GALNTL6: variants seen among roughly 807,000 people sequenced by gnomAD.
The protein encoded by GALNTL6 is polypeptide N-acetylgalactosaminyltransferase-like 6.
Under a neutral mutation model 73.7 loss-of-function variants are expected in GALNTL6, and 46 were observed. The ratio of observed to expected loss-of-function variants is 0.62; its 90% CI spans 0.49 to 0.80. The LOEUF is 0.80. Ranked by LOEUF, GALNTL6 falls within the 30% of genes least tolerant of loss-of-function variation. GALNTL6 has a pLI of 0.00. For missense variants in GALNTL6, 604 were observed against 755.0 expected (o/e 0.80, Z 2.34); for synonymous variants, 259 against 263.7 (o/e 0.98, Z 0.17).
chr4:172,037,401 T>C (rs1678975607), intron 2 of GALNTL6, among the ~76,000 whole-genome samples: 1 of 152,162 alleles, frequency 6.6e-6, no homozygotes, highest in Admixed American at 6.6e-5. Context: ...TTGATCTTTC[T>C]TAAAAATATC....
At chr4:171,838,560 A>G (rs1272080640) in intron 2 of GALNTL6, among the ~76,000 whole-genome samples, 1 of 152,172 alleles carries the variant, frequency 6.6e-6, no homozygotes, top group Non-Finnish European at 1.5e-5. Flanking sequence ...ACTGAGTTAA[A>G]TATATTCACT....
At chr4:172,179,104 T>C (rs866580825) in intron 2 of GALNTL6, among the ~76,000 whole-genome samples, 6,142 of 143,514 alleles carry the variant, frequency 0.043, 174 homozygotes, top group African/African-American at 0.097. Context: ...TGAATTATGC[T>C]GCAATAAACA....
rs140644975 is a variant in GALNTL6 at position 172,293,169 on chromosome 4, T to C, written c.248-18445T>C. Among the ~76,000 whole-genome samples, 474 of 152,280 alleles carry C rather than the reference T, an allele frequency of 3.1e-3. 3 individuals carry two copies. The highest frequency in any genetic ancestry group is 0.011 in the African/African-American group (444 of 41,576). On this transcript the variant is annotated intron_variant, in intron 3 of 12. Coordinates refer to ENST00000506823, the MANE Select transcript of GALNTL6 (RefSeq NM_001034845.3). ...TCACTCCACCCCATCTCCAACCACA[T>C]TGGCCTTGATGAAGAATATGTTTAT...
At chr4:172,196,228 C>A (rs2110890477) in intron 2 of GALNTL6, among the ~76,000 whole-genome samples, 1 of 152,122 alleles carries the variant, frequency 6.6e-6, no homozygotes, top group East Asian at 1.9e-4. Flanking sequence ...ACACATACAT[C>A]CTCCCAAGAC....
chr4:172,313,590 G>T (rs1219752562), intron 4 of GALNTL6, among the ~76,000 whole-genome samples: 5 of 151,820 alleles, frequency 3.3e-5, no homozygotes, highest in Non-Finnish European at 5.9e-5. Context: ...AAGATCTTAT[G>T]TAATAATGGG....
intron 2 of GALNTL6, among the ~76,000 whole-genome samples, chr4:172,072,562 C>G (rs185375470): frequency 5.3e-5 from 8 of 152,260 alleles, no homozygotes; most frequent in African/African-American, 1.9e-4. Context: ...TTTCACAGAA[C>G]TATTCAGATC....
chr4:171,860,436 G>C (rs1208729406), intron 2 of GALNTL6, among the ~76,000 whole-genome samples: 2 of 152,098 alleles, frequency 1.3e-5, no homozygotes, highest in African/African-American at 4.8e-5. Flanking sequence ...AATATATATT[G>C]TCATGGCTTT....
intron 2 of GALNTL6, among the ~76,000 whole-genome samples, chr4:172,125,133 A>G: frequency 6.6e-6 from 1 of 152,206 alleles, no homozygotes; most frequent in Admixed American, 6.5e-5. Context: ...AACAAAAGGC[A>G]ATGATGTATG....
At chr4:172,467,717 T>C (rs143040830) in intron 5 of GALNTL6, among the ~76,000 whole-genome samples, 6 of 152,264 alleles carry the variant, frequency 3.9e-5, no homozygotes, top group African/African-American at 1.4e-4. Flanking sequence ...AATAAGAATT[T>C]GGAAAGAAAA....
chr4:172,445,460 G>C (rs1277855163), intron 5 of GALNTL6, among the ~76,000 whole-genome samples: 1 of 152,068 alleles, frequency 6.6e-6, no homozygotes, highest in African/African-American at 2.4e-5. Context: ...TATTTTTAAA[G>C]AAACCATTGA....
intron 5 of GALNTL6, among the ~76,000 whole-genome samples, chr4:172,451,000 G>T (rs1361275007): frequency 6.6e-6 from 1 of 152,244 alleles, no homozygotes; most frequent in East Asian, 1.9e-4. Context: ...TGCTCTGGAT[G>T]TCAGGGAATC....
At chr4:172,718,218 T>C (rs1735227541) in intron 5 of GALNTL6, among the ~76,000 whole-genome samples, 1 of 152,228 alleles carries the variant, frequency 6.6e-6, no homozygotes, top group African/African-American at 2.4e-5. Context: ...TTCATGACTT[T>C]AAAAGAGTGA....
chr4:172,638,836 A>G (rs745962769), intron 5 of GALNTL6, among the ~76,000 whole-genome samples: 2 of 152,142 alleles, frequency 1.3e-5, no homozygotes, highest in African/African-American at 4.8e-5. Flanking sequence ...AATTTGGGAC[A>G]GTTCTTCATT....
chr4:171,956,151 G>A (rs780841562), intron 2 of GALNTL6, among the ~76,000 whole-genome samples: 10 of 151,860 alleles, frequency 6.6e-5, no homozygotes, highest in African/African-American at 1.9e-4. Flanking sequence ...ACAGGCATGC[G>A]CCACCACACC....
intron 2 of GALNTL6, among the ~76,000 whole-genome samples, chr4:171,998,649 A>C (rs1740573277): frequency 6.6e-6 from 1 of 152,178 alleles, no homozygotes; most frequent in Admixed American, 6.6e-5. Context: ...TTGTTGCAAT[A>C]TTATTTTAAT....
intron 11 of GALNTL6, among the ~76,000 whole-genome samples, chr4:173,010,633 T>C (rs1752506638): frequency 1.3e-5 from 2 of 152,094 alleles, no homozygotes; most frequent in South Asian, 4.2e-4. Context: ...TCTCGCTCTG[T>C]CACCAGGCTG....
chr4:171,985,252 T>C (rs1393824074), intron 2 of GALNTL6, among the ~76,000 whole-genome samples: 1 of 152,042 alleles, frequency 6.6e-6, no homozygotes, highest in Non-Finnish European at 1.5e-5. Flanking sequence ...TTCCTCACAA[T>C]AATGGCAGAA....
rs188685181 is a variant in GALNTL6 at position 172,959,777 on chromosome 4, G to A, written c.1371+7519G>A. ...TGCACAGATGGGACATGGCTTAGGA[G>A]GAATCCTGGGCTGCGGGCATTCCTT... On this transcript the variant is annotated intron_variant, in intron 10 of 12. Coordinates refer to ENST00000506823, the MANE Select transcript of GALNTL6 (RefSeq NM_001034845.3). Among the ~76,000 whole-genome samples, 1,089 of 152,294 alleles carry A rather than the reference G, an allele frequency of 7.2e-3. 10 individuals are homozygous for A. Among genetic ancestry groups the A allele is most frequent in the African/African-American group, 0.025 (1,041 of 41,566 alleles).
intron 2 of GALNTL6, among the ~76,000 whole-genome samples, chr4:172,008,113 G>C (rs983950787): frequency 1.3e-5 from 2 of 151,982 alleles, no homozygotes; most frequent in Admixed American, 6.6e-5. Context: ...ATTTTCATTT[G>C]CTTGTTTGCA....
Sources: gnomAD v4.1 joint callset for allele counts (sites outside exome capture counted in the v4.1 genomes callset) on GRCh38, gnomAD v4.1.1 for gene constraint, MANE v1.5 for transcripts, NCBI Gene and HGNC (gene_info 2026-07-23, HGNC 2026-07-21) for gene names.